The following RALYL variants were observed in gnomAD, a reference collection of about 807,000 sequenced individuals.
RALYL encodes RALY RNA binding protein like.
RALYL carries 29 observed loss-of-function variants against 35.1 expected under a neutral mutation model. The ratio of observed to expected loss-of-function variants is 0.83; its 90% CI spans 0.61 to 1.13. RALYL has a LOEUF of 1.13. Among genes scored for constraint, RALYL ranks in the 50% most tolerant of loss-of-function variants. RALYL has a pLI of 0.00. For synonymous variants in RALYL, 120 were observed against 127.6 expected (o/e 0.94, Z 0.40); for missense variants, 359 against 360.4 (o/e 1.00, Z 0.03).
At chr8:84,324,301 C>T (rs1210713686) in intron 1 of RALYL, among the ~76,000 whole-genome samples, 1 of 151,786 alleles carries the variant, frequency 6.6e-6, no homozygotes, top group African/African-American at 2.4e-5. Flanking sequence ...TCCTTCCTTC[C>T]TTCCTTCATC....
chr8:84,435,151 T>A (rs2047563781), intron 1 of RALYL, among the ~76,000 whole-genome samples: 1 of 152,188 alleles, frequency 6.6e-6, no homozygotes, highest in Admixed American at 6.6e-5. Flanking sequence ...AAAGCTTTTA[T>A]ATTCTTTGAT....
rs191193624 is a variant in RALYL, at chr8:84,909,673, T to A, written c.859-11221T>A. On this transcript the variant is annotated intron_variant, in intron 8 of 8. Coordinates refer to ENST00000521268, the MANE Select transcript of RALYL (RefSeq NM_173848.7). ...ACTTACGTGACTTGAGCAAATGACT[T>A]ACCTCTCTGTGCCTCAGTTTTTTAA... 2.6e-3 allele frequency among the ~76,000 whole-genome samples: 396 copies of A among 152,234 alleles called. 5 individuals carry two copies. The Middle Eastern group carries it at 0.027, about 10-fold the overall frequency.
At chr8:84,212,317 C>A (rs1011359288) in intron 1 of RALYL, among the ~76,000 whole-genome samples, 2 of 152,092 alleles carry the variant, frequency 1.3e-5, no homozygotes, top group African/African-American at 4.8e-5. Flanking sequence ...TTCTCCCTTA[C>A]CATAAATTAT....
At chr8:84,594,935 C>CAGAG (rs61699097) in intron 2 of RALYL, among the ~76,000 whole-genome samples, 44,911 of 151,692 alleles carry the variant, frequency 0.3, 7,361 homozygotes, top group African/African-American at 0.45. Context: ...CTTTTAAAGA[C>CAGAG]AGATCATCTC....
rs1217618885 is a variant in RALYL, at chr8:84,830,692, G to GA, written c.366-19280dup. Among the ~76,000 whole-genome samples, 4 of 151,500 alleles carry GA rather than the reference G, an allele frequency of 2.6e-5. No individual in the cohort carries two copies. The South Asian group carries it at 8.3e-4, about 32-fold the overall frequency. On this transcript the variant is annotated intron_variant, in intron 4 of 8. Coordinates refer to ENST00000521268, the MANE Select transcript of RALYL (RefSeq NM_173848.7). ...AACCAAACAAAAAAGAATTAATGAG[G>GA]AAAAAAAATGGAAGTTCACAAATTC... is the stretch of plus-strand genomic sequence containing the variant.
chr8:84,902,922 T>C (rs897575295), intron 8 of RALYL, among the ~76,000 whole-genome samples: 1 of 152,120 alleles, frequency 6.6e-6, no homozygotes, highest in African/African-American at 2.4e-5. Context: ...TTTAGTAACA[T>C]TGAAAGAAAA....
At chr8:84,805,539 C>T (rs1824382401) in intron 4 of RALYL, among the ~76,000 whole-genome samples, 1 of 152,050 alleles carries the variant, frequency 6.6e-6, no homozygotes, top group Non-Finnish European at 1.5e-5. Flanking sequence ...CAAAAATTAG[C>T]TGGGCATGGT....
At chr8:84,700,339 A>G (rs1015829003) in intron 2 of RALYL, among the ~76,000 whole-genome samples, 2 of 152,270 alleles carry the variant, frequency 1.3e-5, no homozygotes, top group Admixed American at 1.3e-4. Flanking sequence ...ATAATTGTAA[A>G]GATTTCTTTG....
At chr8:84,732,115 G>A (rs1041057992) in intron 2 of RALYL, among the ~76,000 whole-genome samples, 1 of 152,064 alleles carries the variant, frequency 6.6e-6, no homozygotes, top group African/African-American at 2.4e-5. Context: ...TTTTCCTGTG[G>A]AATCCTTATC....
At chr8:84,772,591 A>G (rs1268974806) in intron 2 of RALYL, among the ~76,000 whole-genome samples, 2 of 152,034 alleles carry the variant, frequency 1.3e-5, no homozygotes, top group African/African-American at 2.4e-5. Context: ...TGTCTTTTAT[A>G]GTATGTAAAT....
At chr8:84,815,028 A>G (rs1329019939) in intron 4 of RALYL, among the ~76,000 whole-genome samples, 3 of 152,228 alleles carry the variant, frequency 2.0e-5, no homozygotes, top group Non-Finnish European at 4.4e-5. Context: ...CCATACACAC[A>G]TGCACAGGTT....
At chr8:84,431,940 A>C (rs1043736206) in intron 1 of RALYL, among the ~76,000 whole-genome samples, 3 of 152,168 alleles carry the variant, frequency 2.0e-5, no homozygotes, top group African/African-American at 7.2e-5. Context: ...GAAAACAAGC[A>C]TTGGTAAGAA....
At chr8:84,459,678 C>G (rs976329750) in intron 1 of RALYL, among the ~76,000 whole-genome samples, 2 of 151,716 alleles carry the variant, frequency 1.3e-5, no homozygotes, top group Admixed American at 1.3e-4. Flanking sequence ...GTTTTGATGG[C>G]TTCTATTTTC....
intron 3 of RALYL, among the ~76,000 whole-genome samples, chr8:84,803,833 G>A (rs1823936910): frequency 6.6e-6 from 1 of 152,166 alleles, no homozygotes; most frequent in Non-Finnish European, 1.5e-5. Flanking sequence ...AAAAATAAAT[G>A]TTTAGCCTAA....
intron 1 of RALYL, among the ~76,000 whole-genome samples, chr8:84,396,471 T>C (rs1425559834): frequency 1.3e-5 from 2 of 152,152 alleles, no homozygotes; most frequent in East Asian, 1.9e-4. Flanking sequence ...TATTCACTCA[T>C]TCATTCATTC....
rs1838222830 is a variant in RALYL at position 84,862,147 on chromosome 8, A to T, written c.414-149A>T. ...CTTAGTGAAAATTAAATCTGCCAAT[A>T]AATACCTGCATCTGAATATTAGAGA... On this transcript the variant is annotated intron_variant, in intron 5 of 8. Coordinates refer to ENST00000521268, the MANE Select transcript of RALYL (RefSeq NM_173848.7). 1.3e-5 allele frequency: 8 copies of T among 611,644 alleles called. No homozygotes were observed. In the South Asian group the frequency reaches 2.7e-4, roughly 21 times the overall value. The allele number at this position is 611,644 out of a possible 1,614,324, so 37.9% of individuals were successfully genotyped here.
intron 4 of RALYL, among the ~76,000 whole-genome samples, chr8:84,837,962 A>G (rs963266901): frequency 6.6e-6 from 1 of 152,154 alleles, no homozygotes; most frequent in African/African-American, 2.4e-5. Flanking sequence ...CTAAACTTCT[A>G]TTTTATTATC....
At chr8:84,897,428 G>T (rs1844940337) in intron 8 of RALYL, among the ~76,000 whole-genome samples, 1 of 152,276 alleles carries the variant, frequency 6.6e-6, no homozygotes, top group East Asian at 1.9e-4. Context: ...GAAGAATTAT[G>T]ATTTGATTTC....
chr8:84,776,958 T>C (rs1035928717), intron 3 of RALYL, among the ~76,000 whole-genome samples: 1 of 152,126 alleles, frequency 6.6e-6, no homozygotes, highest in African/African-American at 2.4e-5. Flanking sequence ...AAAACAGTAA[T>C]AAAGGGGATA....
Sources: allele counts gnomAD v4.1 joint callset (sites outside exome capture counted in the v4.1 genomes callset), GRCh38; gene constraint gnomAD v4.1.1; transcripts MANE v1.5; gene names NCBI Gene and HGNC (gene_info 2026-07-23, HGNC 2026-07-21).